The following RGS12 variants were observed in gnomAD, a reference collection of about 807,000 sequenced individuals.
The protein encoded by RGS12 is regulator of G protein signaling 12.
In RGS12, 66 loss-of-function variants were observed where a neutral mutation model predicts 120.1. The ratio of observed to expected loss-of-function variants is 0.55; its 90% CI spans 0.45 to 0.67. The LOEUF (loss-of-function observed/expected upper bound fraction) is 0.67, where lower values mean the gene tolerates loss of function less well. RGS12 is among the 30% of genes least tolerant of loss of function. The pLI is 0.00. For synonymous variants in RGS12, 827 were observed against 804.7 expected (o/e 1.03, Z -0.47); for missense variants, 1,859 against 1,957.7 (o/e 0.95, Z 0.95).
At position 3,389,085 on chromosome 4, in the gene RGS12, G is replaced by A. The variant is rs1418023876; in HGVS notation, c.2020+2648G>A. 6.6e-6 allele frequency among the ~76,000 whole-genome samples: 1 copy of A among 152,208 alleles called. No individual in the cohort carries two copies. The highest frequency in any genetic ancestry group is 1.5e-5 in the Non-Finnish European group (1 of 68,040). On this transcript the variant is annotated intron_variant, in intron 4 of 17. Coordinates refer to ENST00000336727, the MANE Select transcript of RGS12 (RefSeq NM_001394154.1). This position sits in a 1 kb window ranked among gnomAD's most constrained non-coding sequence, Gnocchi z 5.2. The stretch of plus-strand genomic sequence containing the variant: ...TCATGCCACGGTTTCATTCTGTGAC[G>A]CGTATCGTGCTTTTATAGCTTAGGC...
intron 3 of RGS12, among the ~76,000 whole-genome samples, chr4:3,348,268 C>T (rs1201875931): frequency 6.6e-6 from 1 of 152,146 alleles, no homozygotes; most frequent in Admixed American, 6.5e-5. Context: ...ACAGGGAGTT[C>T]CATGAATGTA....
chr4:3,382,539 C>T (rs1383158898), intron 3 of RGS12, among the ~76,000 whole-genome samples: 2 of 152,216 alleles, frequency 1.3e-5, no homozygotes, highest in African/African-American at 4.8e-5. Context: ...TGCTGGCTTG[C>T]ATTAGTCCTG....
At chr4:3,382,093 C>T (rs995571499) in intron 3 of RGS12, among the ~76,000 whole-genome samples, 9 of 152,120 alleles carry the variant, frequency 5.9e-5, no homozygotes, top group Admixed American at 2.6e-4. Context: ...GGATATTGTT[C>T]CTTTGTGGCT....
intron 4 of RGS12, among the ~76,000 whole-genome samples, chr4:3,409,850 GC>G (rs1560155631): frequency 2.0e-5 from 3 of 152,222 alleles, no homozygotes; most frequent in Non-Finnish European, 4.4e-5. Context: ...TCTTCCCAGG[GC>G]CCCTCAGCTG....
At chr4:3,431,158 G>T (rs1359325829) in intron 17 of RGS12, 7 of 1,418,366 alleles carry the variant, frequency 4.9e-6, no homozygotes, top group African/African-American at 1.5e-5. Context: ...TGTCAGGATG[G>T]TCCCCCCGAG....
At position 3,430,576 on chromosome 4, in the gene RGS12, C is replaced by T. The variant is rs143235246; in HGVS notation, c.3735C>T (p.Ser1245=). ...TGGCCAAGGGCTTTAGCAAGAGAAG[C>T]GCCACAGGCAACGGCCGGGAGAGCG... is the stretch of plus-strand genomic sequence containing the variant. ...AAVAKGFSKR[S]ATGNGRESAS... Residue 1245 remains serine, a synonymous_variant, in exon 17 of 18, where the codon AGC becomes AGT. Coordinates refer to ENST00000336727, the MANE Select transcript of RGS12 (RefSeq NM_001394154.1). 7.3e-4 allele frequency: 1,182 copies of T among 1,612,860 alleles called. 12 individuals are homozygous for T. In the African/African-American group the frequency reaches 0.014, roughly 19 times the overall value.
chr4:3,355,093 G>C (rs114764950), intron 3 of RGS12, among the ~76,000 whole-genome samples: 4,888 of 152,132 alleles, frequency 0.032, 240 homozygotes, highest in African/African-American at 0.11. Context: ...TTTATAAAAA[G>C]GGTAACATAC....
intron 9 of RGS12, chr4:3,418,299 G>A (rs949139475): frequency 1.3e-5 from 2 of 152,298 alleles, no homozygotes; most frequent in African/African-American, 4.8e-5. Flanking sequence ...CATGCTGAAC[G>A]CTGGCGAAGA....
chr4:3,338,872 A>C (rs918117007), intron 2 of RGS12, among the ~76,000 whole-genome samples: 8 of 152,192 alleles, frequency 5.3e-5, no homozygotes, highest in Admixed American at 1.3e-4. Flanking sequence ...ATTATGTCAC[A>C]CCAGCAGGGG....
At chr4:3,355,272 A>G (rs1714760076) in intron 3 of RGS12, among the ~76,000 whole-genome samples, 1 of 152,228 alleles carries the variant, frequency 6.6e-6, no homozygotes, top group Admixed American at 6.5e-5. Context: ...AATTAAAGGG[A>G]AATTCCTTAA....
At chr4:3,423,742 T>C in intron 13 of RGS12, 101 bp downstream of exon 13, 1 of 1,418,618 alleles carries the variant, frequency 7.0e-7, no homozygotes, top group Non-Finnish European at 9.5e-7. Context: ...CAAGAAGCGG[T>C]GTCTTCCCCT....
chr4:3,362,950 C>T (rs1255352583), intron 3 of RGS12, among the ~76,000 whole-genome samples: 1 of 120,848 alleles, frequency 8.3e-6, no homozygotes, highest in Non-Finnish European at 1.7e-5. Flanking sequence ...TGTGTGTGCA[C>T]GTGCCAGTGT....
intron 1 of RGS12, among the ~76,000 whole-genome samples, chr4:3,309,134 G>A (rs1724149470): frequency 1.2e-5 from 1 of 83,810 alleles, no homozygotes. Flanking sequence ...TGGGACTCGG[G>A]AATGGCAGGT....
At chr4:3,298,927 T>G (rs1041001308) in intron 1 of RGS12, among the ~76,000 whole-genome samples, 2 of 152,242 alleles carry the variant, frequency 1.3e-5, no homozygotes, top group African/African-American at 4.8e-5. Flanking sequence ...AATGTTCTTT[T>G]CTGCTAATTT....
chr4:3,315,897 A>G (rs1458023133), intron 1 of RGS12, among the ~76,000 whole-genome samples, 173 bp from the exon 2 acceptor site: 2 of 152,010 alleles, frequency 1.3e-5, no homozygotes, highest in Admixed American at 1.3e-4. Context: ...GACATTTTCT[A>G]CTCCGAAAGG....
intron 4 of RGS12, among the ~76,000 whole-genome samples, chr4:3,394,619 C>T (rs1040530542): frequency 6.6e-6 from 1 of 152,216 alleles, no homozygotes; most frequent in Non-Finnish European, 1.5e-5. Context: ...TTAAACACTT[C>T]AGATGCATTT....
At chr4:3,367,163 C>T (rs1716396857) in intron 3 of RGS12, among the ~76,000 whole-genome samples, 3 of 152,364 alleles carry the variant, frequency 2.0e-5, no homozygotes, top group Admixed American at 6.5e-5. Flanking sequence ...TCCAGCTGGG[C>T]GGTGATATGC....
At chr4:3,343,757 C>G (rs1713502737) in intron 3 of RGS12, among the ~76,000 whole-genome samples, 1 of 152,006 alleles carries the variant, frequency 6.6e-6, no homozygotes, top group African/African-American at 2.4e-5. Flanking sequence ...CCTGTTTACC[C>G]TGCACCCTCC....
chr4:3,349,645 A>G (rs1714169866), intron 3 of RGS12, among the ~76,000 whole-genome samples: 1 of 152,156 alleles, frequency 6.6e-6, no homozygotes, highest in Non-Finnish European at 1.5e-5. Flanking sequence ...AAATATATAT[A>G]TGTAAGAACT....
Sources: gnomAD v4.1 joint callset for allele counts (sites outside exome capture counted in the v4.1 genomes callset) on GRCh38, gnomAD v4.1.1 for gene constraint, Gnocchi (gnomAD v3.1) non-coding constraint, MANE v1.5 for transcripts, NCBI Gene and HGNC (gene_info 2026-07-23, HGNC 2026-07-21) for gene names.